Variants in ENPP6 observed in about 807,000 individuals in gnomAD.
The protein encoded by ENPP6 is glycerophosphocholine cholinephosphodiesterase ENPP6.
ENPP6 carries 32 observed loss-of-function variants against 42.0 expected under a neutral mutation model. The observed-to-expected ratio is 0.76, with a 90% CI of 0.58 to 1.02. The LOEUF (loss-of-function observed/expected upper bound fraction) is 1.02, where lower values mean the gene tolerates loss of function less well. ENPP6 is among the 50% of genes least tolerant of loss of function. The pLI is 0.00. For synonymous variants in ENPP6, 213 were observed against 216.0 expected (o/e 0.99, Z 0.12); for missense variants, 552 against 566.8 (o/e 0.97, Z 0.27).
At chr4:184,131,234 C>T (rs1422128116) in intron 2 of ENPP6, among the ~76,000 whole-genome samples, 4,296 of 74,366 alleles carry the variant, frequency 0.058, 525 homozygotes, top group Non-Finnish European at 0.075. Context: ...TTCTTTCTTT[C>T]CTTTTCTTTC....
intron 1 of ENPP6, among the ~76,000 whole-genome samples, chr4:184,181,399 T>C (rs566353875): frequency 5.0e-4 from 76 of 152,294 alleles, no homozygotes; most frequent in Non-Finnish European, 1.0e-3. Flanking sequence ...TGCTCATGGA[T>C]AGGAAGAACC....
intron 1 of ENPP6, among the ~76,000 whole-genome samples, chr4:184,190,389 C>A (rs1012788170): frequency 6.6e-6 from 1 of 152,190 alleles, no homozygotes. Flanking sequence ...TGGACTGTCA[C>A]TGGGGAGAAG....
chr4:184,210,149 C>A lies in ENPP6; in HGVS notation c.241+7430G>T, dbSNP rs181050044. ...GCAAAATCATGCCAAAGTATAAAGA[C>A]CATCGAGACTAGGAAGAAACTGCAT... On this transcript the variant is annotated intron_variant, in intron 1 of 7. Transcript: ENST00000296741. 4.3e-3 allele frequency among the ~76,000 whole-genome samples: 651 copies of A among 151,452 alleles called. 15 individuals carry two copies. Among genetic ancestry groups the A allele is most frequent in the African/African-American group, 0.015 (598 of 40,962 alleles).
chr4:184,202,033 C>T (rs1374207383), intron 1 of ENPP6, among the ~76,000 whole-genome samples: 1 of 152,150 alleles, frequency 6.6e-6, no homozygotes, highest in Non-Finnish European at 1.5e-5. Flanking sequence ...TACTGGGGTC[C>T]ACTAGGACCC....
At chr4:184,207,939 G>C (rs1018970279) in intron 1 of ENPP6, among the ~76,000 whole-genome samples, 3 of 152,184 alleles carry the variant, frequency 2.0e-5, no homozygotes, top group Non-Finnish European at 4.4e-5. Flanking sequence ...TTCTCTGCAC[G>C]TGCGCATGCC....
chr4:184,208,992 G>A (rs1400056644), intron 1 of ENPP6, among the ~76,000 whole-genome samples: 1 of 142,360 alleles, frequency 7.0e-6, no homozygotes, highest in Non-Finnish European at 1.5e-5. Context: ...ACCTCACACG[G>A]CAGGGTATTC....
chr4:184,166,687 T>C (rs778710633), intron 1 of ENPP6, among the ~76,000 whole-genome samples: 1 of 152,206 alleles, frequency 6.6e-6, no homozygotes, highest in Non-Finnish European at 1.5e-5. Flanking sequence ...TTTTATTGAG[T>C]TCTTACAGAG....
At chr4:184,117,168 C>T (rs1260068216) in intron 4 of ENPP6, 133 bp from the exon 5 acceptor site, 3 of 1,107,694 alleles carry the variant, frequency 2.7e-6, no homozygotes, top group East Asian at 2.6e-5. Context: ...CTATTTTGCC[C>T]TGGTGAGACC....
chr4:184,132,687 C>T (rs974565423), intron 2 of ENPP6, among the ~76,000 whole-genome samples: 9 of 151,748 alleles, frequency 5.9e-5, no homozygotes, highest in East Asian at 3.9e-4. Context: ...TTCCATTTTA[C>T]GTTTAGATCT....
intron 1 of ENPP6, among the ~76,000 whole-genome samples, chr4:184,181,803 C>T (rs1236252260): frequency 6.6e-6 from 1 of 152,070 alleles, no homozygotes; most frequent in African/African-American, 2.4e-5. Context: ...AACTGGCTAG[C>T]CATATGCAGG....
chr4:184,183,451 T>C (rs1261545650), intron 1 of ENPP6, among the ~76,000 whole-genome samples: 1 of 152,066 alleles, frequency 6.6e-6, no homozygotes, highest in Non-Finnish European at 1.5e-5. Context: ...GAATTCTCCT[T>C]TTACAATTTA....
At chr4:184,174,408 C>G (rs1378042227) in intron 1 of ENPP6, among the ~76,000 whole-genome samples, 1 of 152,002 alleles carries the variant, frequency 6.6e-6, no homozygotes, top group African/African-American at 2.4e-5. Flanking sequence ...GTGCTTTAAT[C>G]CCATGCCAGG....
chr4:184,210,154 G>T (rs1007746968), intron 1 of ENPP6, among the ~76,000 whole-genome samples: 1 of 151,142 alleles, frequency 6.6e-6, no homozygotes, highest in Non-Finnish European at 1.5e-5. Context: ...AAAGACCATC[G>T]AGACTAGGAA....
At chr4:184,136,926 A>AC (rs756560805) in intron 2 of ENPP6, among the ~76,000 whole-genome samples, 1 of 151,958 alleles carries the variant, frequency 6.6e-6, no homozygotes, top group East Asian at 1.9e-4. Context: ...TCCTGCTGTG[A>AC]CCCCTTCACT....
At chr4:184,144,914 T>C (rs1236796720) in intron 2 of ENPP6, among the ~76,000 whole-genome samples, 2 of 152,216 alleles carry the variant, frequency 1.3e-5, no homozygotes, top group African/African-American at 2.4e-5. Flanking sequence ...GATGAAATAG[T>C]GTGTGGCCTG....
At chr4:184,176,286 A>G (rs1408593108) in intron 1 of ENPP6, among the ~76,000 whole-genome samples, 4 of 152,136 alleles carry the variant, frequency 2.6e-5, no homozygotes, top group Non-Finnish European at 5.9e-5. Context: ...GGTACCAAAT[A>G]CTAAGTCTAT....
intron 7 of ENPP6, among the ~76,000 whole-genome samples, chr4:184,095,020 T>C (rs1403673694): frequency 6.6e-6 from 1 of 152,242 alleles, no homozygotes; most frequent in African/African-American, 2.4e-5. Context: ...TGCAGCCAGA[T>C]AGCTATTAAA....
At chr4:184,162,559 A>G (rs13123227) in intron 1 of ENPP6, among the ~76,000 whole-genome samples, 11,083 of 121,562 alleles carry the variant, frequency 0.091, 1,431 homozygotes, top group African/African-American at 0.29. Flanking sequence ...AAGGAAGGAA[A>G]GAAGGAAGGA....
Position 184,112,791 on chromosome 4 carries a change from T to C in ENPP6, c.874A>G (p.Thr292Ala). The change falls in exon 6 of 8, where the codon ACA becomes GCA. Residue 292 changes from threonine to alanine, a missense_variant. Thr to Ala is a moderately conservative substitution (Grantham distance 58, BLOSUM62 0). This residue lies in a region of ENPP6 where 545 missense variants were observed against 546.3 expected (regional missense o/e 1.00). Transcript: ENST00000296741. The part of the protein sequence containing the change: ...KHSEIYNKLS[T>A]VEHMTVYEKE... Reference sequence around the variant, plus strand: ...TCGTAGACAGTCATGTGTTCCACTGTGCTCAGTTTGTTATATATCTGCAAA... The same window carrying C: ...TCGTAGACAGTCATGTGTTCCACTGCGCTCAGTTTGTTATATATCTGCAAA... The C allele has an allele frequency of 6.2e-7, 1 of 1,613,592 alleles. No homozygotes were observed. The highest frequency in any genetic ancestry group is 8.5e-7 in the Non-Finnish European group (1 of 1,179,900).
Sources: allele counts gnomAD v4.1 joint callset (sites outside exome capture counted in the v4.1 genomes callset), GRCh38; gene constraint gnomAD v4.1.1; regional missense constraint gnomAD v4.1.1; transcripts MANE v1.5; gene names NCBI Gene and HGNC (gene_info 2026-07-23, HGNC 2026-07-21).